The following LILRA1 variants were observed in gnomAD, a reference collection of about 807,000 sequenced individuals.
LILRA1 encodes the protein leukocyte immunoglobulin like receptor A1.
In LILRA1, 51 loss-of-function variants were observed where a neutral mutation model predicts 51.6. That is an observed-to-expected ratio of 0.99 (90% CI 0.79 to 1.25). LILRA1 has a LOEUF of 1.25. LILRA1 is among the 50% of genes most tolerant of loss of function. The probability of loss-of-function intolerance (pLI) is 0.00; values close to 1 mark genes in which losing one functional copy is unlikely to be tolerated. For missense variants in LILRA1, 660 were observed against 611.7 expected, an observed-to-expected ratio of 1.08 and a Z score of -0.83; for synonymous variants, 305 against 248.4, an observed-to-expected ratio of 1.23 and a Z score of -2.14.
intron 7 of LILRA1, among the ~76,000 whole-genome samples, chr19:54,597,428 T>C (rs2063082634): frequency 6.8e-6 from 1 of 146,496 alleles, no homozygotes; most frequent in Non-Finnish European, 1.5e-5. Context: ...TCACCTCTGG[T>C]TGAGACTCTC....
Position 54,595,362 on chromosome 19 carries a change from G to A in LILRA1, c.621G>A (p.Val207=), listed in dbSNP as rs1220844593. 2 of 1,613,914 alleles carry A rather than the reference G, an allele frequency of 1.2e-6. No homozygotes were observed. Among genetic ancestry groups the A allele is most frequent in the Non-Finnish European group, 8.5e-7 (1 of 1,179,842 alleles). Residue 207 remains valine, a synonymous_variant, in exon 5 of 10, where the codon GTG becomes GTA. Coordinates refer to ENST00000251372, the MANE Select transcript of LILRA1 (RefSeq NM_006863.4). The part of the protein sequence containing the change: ...CYAYDSNSPH[V]WSLPSDLLEL... ...CTTATGACTCGAACTCTCCCCATGT[G>A]TGGTCTCTACCCAGTGATCTCCTGG... is the stretch of plus-strand genomic sequence containing the variant.
At chr19:54,598,790 T>C (rs1207086389) in intron 7 of LILRA1, among the ~76,000 whole-genome samples, 2 of 151,830 alleles carry the variant, frequency 1.3e-5, no homozygotes, top group African/African-American at 4.8e-5. Flanking sequence ...TTAGAACGAA[T>C]ATAATTAAAA....
rs1361562599 is a variant in LILRA1, at chr19:54,594,943, G to A, written c.349G>A (p.Val117Met). 2 of 1,613,822 alleles carry A rather than the reference G, an allele frequency of 1.2e-6. No individual in the cohort carries two copies. Among genetic ancestry groups the A allele is most frequent in the African/African-American group, 2.7e-5 (2 of 74,874 alleles). ...AGAGCCCAGTGACCCCCTGGAGCTG[G>A]TGGTGACAGGTGAGCTGACACTGAG... ...WSEPSDPLELVVTGAYIKPTL... is the reference protein window; with the variant it reads ...WSEPSDPLELMVTGAYIKPTL... The change falls in exon 4 of 10, where the codon GTG becomes ATG. Residue 117 changes from valine to methionine, a missense_variant. By Grantham distance (21) the Val-to-Met change is conservative. Transcript: ENST00000251372.
In LILRA1 at chr19:54,594,751, C is replaced by G; in HGVS notation, c.157C>G (p.Leu53Val). Residue 53 changes from leucine (L) to valine (V), a missense_variant, in exon 4 of 10, where the codon CTG (leucine) becomes GTG (valine). By Grantham distance (32) the Leu-to-Val change is conservative (BLOSUM62 1). Coordinates refer to ENST00000251372, the MANE Select transcript of LILRA1 (RefSeq NM_006863.4). Reference protein sequence around the residue: ...SPVTLWCQGILETQEYRLYRE... With the variant: ...SPVTLWCQGIVETQEYRLYRE... ...CGTGACCCTCTGGTGTCAGGGGATC[C>G]TGGAGACCCAGGAGTACCGTCTGTA... The G allele has an allele frequency of 1.2e-6, 2 of 1,614,104 alleles. No homozygotes were observed. Among genetic ancestry groups the G allele is most frequent in the Non-Finnish European group, 1.7e-6 (2 of 1,179,990 alleles).
At chr19:54,598,445 C>T (rs1487049628) in intron 7 of LILRA1, among the ~76,000 whole-genome samples, 3 of 152,104 alleles carry the variant, frequency 2.0e-5, no homozygotes, top group Non-Finnish European at 4.4e-5. Flanking sequence ...GCGAAACTGA[C>T]TGGGCGGCTC....
rs113170106 is a variant in LILRA1, at chr19:54,594,649, T to C, written c.71-16T>C. Reference sequence around the variant, plus strand: ...GTGGGAAATGACTTAGAATCTGAACTCTGATTTCCTTCCAGGGACCCTCCC... The same window carrying C: ...GTGGGAAATGACTTAGAATCTGAACCCTGATTTCCTTCCAGGGACCCTCCC... On this transcript the variant is annotated splice_polypyrimidine_tract_variant and intron_variant, in intron 3 of 9. Transcript: ENST00000251372. The C allele has an allele frequency of 3.9e-5, 63 of 1,611,466 alleles. No homozygotes were observed. The African/African-American group carries it at 5.9e-4, about 15-fold the overall frequency.
rs2063040036 is a variant in LILRA1, at chr19:54,595,919, G to T, written c.942G>T (p.Leu314=). ...SSEWSAPSDP[L]DILIAGQFRG... ...AGTGGTCGGCCCCCAGCGACCCCCT[G>T]GACATCCTGATCGCAGGTGAGGAGC... is the stretch of plus-strand genomic sequence containing the variant. Residue 314 remains leucine, a synonymous_variant, in exon 6 of 10, where the codon CTG becomes CTT. Coordinates refer to ENST00000251372, the MANE Select transcript of LILRA1 (RefSeq NM_006863.4). The T allele has an allele frequency of 6.2e-7, 1 of 1,613,002 alleles. No homozygotes were observed. The highest frequency in any genetic ancestry group is 8.5e-7 in the Non-Finnish European group (1 of 1,179,964).
rs1043245102 is a variant in LILRA1 at position 54,600,852 on chromosome 19, T to C, written c.*35T>C. The C allele has an allele frequency of 1.9e-6, 3 of 1,610,268 alleles. No individual in the cohort carries two copies. The highest frequency in any genetic ancestry group is 2.7e-5 in the African/African-American group (2 of 74,814). ...GGGAGGTGAACAGCAGAGAGAAGAA[T>C]GTACCCTTCAGAGTGGTGGAGCCTT... On this transcript the variant is annotated 3_prime_UTR_variant, in exon 10 of 10. Coordinates refer to ENST00000251372, the MANE Select transcript of LILRA1 (RefSeq NM_006863.4).
At chr19:54,598,255 C>G (rs1281883113) in intron 7 of LILRA1, among the ~76,000 whole-genome samples, 4 of 151,784 alleles carry the variant, frequency 2.6e-5, no homozygotes, top group African/African-American at 7.3e-5. Flanking sequence ...TTATATGAAC[C>G]TATTATTTAA....
Position 54,595,366 on chromosome 19 carries a change from T to C in LILRA1, c.625T>C (p.Ser209Pro), listed in dbSNP as rs373683510. ...AYDSNSPHVWSLPSDLLELLV... is the reference protein window; with the variant it reads ...AYDSNSPHVWPLPSDLLELLV... ...TGACTCGAACTCTCCCCATGTGTGG[T>C]CTCTACCCAGTGATCTCCTGGAGCT... Residue 209 changes from serine (S) to proline (P), a missense_variant, in exon 5 of 10, where the codon TCT becomes CCT. Physicochemically the swap from Ser to Pro is moderately conservative, Grantham distance 74. Transcript: ENST00000251372. The C allele has an allele frequency of 2.5e-6, 4 of 1,613,554 alleles. No homozygotes were observed. The highest frequency in any genetic ancestry group is 3.4e-6 in the Non-Finnish European group (4 of 1,179,720).
chr19:54,599,109 A>C, intron 7 of LILRA1, 127 bp from the exon 8 acceptor site: 2 of 1,175,004 alleles, frequency 1.7e-6, no homozygotes, highest in South Asian at 1.4e-5. Flanking sequence ...ATAATTTTTT[A>C]AATGTCTACC....
intron 7 of LILRA1, among the ~76,000 whole-genome samples, chr19:54,597,279 G>T (rs908099143): frequency 2.0e-5 from 3 of 152,172 alleles, no homozygotes; most frequent in Non-Finnish European, 2.9e-5. Context: ...GGTGTGGTCT[G>T]CATGGCTTCC....
At chr19:54,599,347 G>A (rs2063125594) in intron 8 of LILRA1, 61 bp downstream of exon 8, 1 of 1,512,582 alleles carries the variant, frequency 6.6e-7, no homozygotes. Flanking sequence ...CCTGTCAAGG[G>A]GAGCTGGGTG....
rs2063158147 is a variant in LILRA1, at chr19:54,601,342, A to G, written c.*525A>G. 1 of 179,478 alleles carries G rather than the reference A, an allele frequency of 5.6e-6. No individual in the cohort carries two copies. The highest frequency in any genetic ancestry group is 1.2e-5 in the Non-Finnish European group (1 of 84,726). The allele number at this position is 179,478 out of a possible 1,614,324, so 11.1% of individuals were successfully genotyped here. ...CCTGATGCCCTGACACCCTCTCTGA[A>G]CCCTACGAGCCCTTCCCTCCTTCTC... is the stretch of plus-strand genomic sequence containing the variant. On this transcript the variant is annotated 3_prime_UTR_variant, in exon 10 of 10. Transcript: ENST00000251372.
rs1009945226 is a variant in LILRA1, at chr19:54,602,096, T to C, written c.*1279T>C. 2.6e-5 allele frequency: 4 copies of C among 151,832 alleles called. No individual in the cohort carries two copies. The highest frequency in any genetic ancestry group is 1.9e-4 in the East Asian group (1 of 5,130). 9.4% of individuals were successfully genotyped at this position (151,832 alleles called of 1,614,324 possible). A position where few individuals can be genotyped will look rare whatever the true frequency, so the allele number is the denominator to read the frequency against. On this transcript the variant is annotated 3_prime_UTR_variant, in exon 10 of 10. Coordinates refer to ENST00000251372, the MANE Select transcript of LILRA1 (RefSeq NM_006863.4). ...ATCTTATCATTCGCCATCTACCCTGTAGAATAAAGAAATCTTATCATTCAC... is the reference window on the plus strand; with the variant it reads ...ATCTTATCATTCGCCATCTACCCTGCAGAATAAAGAAATCTTATCATTCAC...
At chr19:54,596,778 A>G (rs2063068153) in intron 7 of LILRA1, among the ~76,000 whole-genome samples, 2 of 152,042 alleles carry the variant, frequency 1.3e-5, no homozygotes. Context: ...GAGGCAGGAG[A>G]ATGGCATGAA....
In LILRA1 at chr19:54,600,012, C is replaced by T. The variant is rs139695879; in HGVS notation, c.1313-500C>T. Among the ~76,000 whole-genome samples, 751 of 152,202 alleles carry T rather than the reference C, an allele frequency of 4.9e-3. 1 individual carries two copies. Among genetic ancestry groups the T allele is most frequent in the South Asian group, 0.011 (54 of 4,826 alleles). ...ACTGCCTATATGAGGAATTAGTTAA[C>T]TAGAGATTAAATGGAAGATGAAACC... On this transcript the variant is annotated intron_variant, in intron 8 of 9. Coordinates refer to ENST00000251372, the MANE Select transcript of LILRA1 (RefSeq NM_006863.4).
rs754964513 is a variant in LILRA1 at position 54,595,271 on chromosome 19, G to C, written c.530G>C (p.Trp177Ser). The change falls in exon 5 of 10, where the codon TGG becomes TCG. Residue 177 changes from tryptophan to serine, a missense_variant. Coordinates refer to ENST00000251372, the MANE Select transcript of LILRA1 (RefSeq NM_006863.4). The stretch of plus-strand genomic sequence containing the variant: ...AACTCACAGCCCCGTACCCATGGGT[G>C]GTCCCGGGCCATCTTCTCTGTGGGC... ...CLNSQPRTHG[W>S]SRAIFSVGPV... The C allele has an allele frequency of 6.2e-7, 1 of 1,612,242 alleles. No homozygotes were observed. The highest frequency in any genetic ancestry group is 1.1e-5 in the South Asian group (1 of 90,944).
In LILRA1 at chr19:54,596,237, T is replaced by C. The variant is rs1277042940; in HGVS notation, c.1007T>C (p.Val336Ala). Residue 336 changes from valine to alanine, a missense_variant, in exon 7 of 10, where the codon GTG becomes GCG. Val to Ala is a moderately conservative substitution (Grantham distance 64). Transcript: ENST00000251372. ...PFISVHPGPT[V>A]ASGENVTLLC... is the part of the protein sequence containing the mutation. ...ATCTCGGTGCATCCGGGCCCCACGG[T>C]GGCCTCAGGAGAGAACGTGACCCTG... 1 of 1,613,772 alleles carries C rather than the reference T, an allele frequency of 6.2e-7. No homozygotes were observed. Among genetic ancestry groups the C allele is most frequent in the African/African-American group, 1.3e-5 (1 of 74,822 alleles).
Sources: allele counts gnomAD v4.1 joint callset (sites outside exome capture counted in the v4.1 genomes callset), GRCh38; gene constraint gnomAD v4.1.1; transcripts MANE v1.5; gene names NCBI Gene and HGNC (gene_info 2026-07-23, HGNC 2026-07-21).